Variants in TIAM1 observed in about 807,000 individuals in gnomAD.
The protein encoded by TIAM1 is TIAM Rac1 associated GEF 1.
In TIAM1, 65 loss-of-function variants were observed where a neutral mutation model predicts 163.5. That is an observed-to-expected ratio of 0.40 (90% confidence interval 0.33 to 0.49). The LOEUF (loss-of-function observed/expected upper bound fraction) is 0.49, where lower values mean the gene tolerates loss of function less well. Ranked by LOEUF, TIAM1 falls within the 20% of genes least tolerant of loss-of-function variation. The pLI, the probability that TIAM1 is intolerant of heterozygous loss-of-function variation, is 0.77. For missense variants in TIAM1, 1,789 were observed against 2,044.7 expected (o/e 0.87, Z 2.41); for synonymous variants, 833 against 810.1 (o/e 1.03, Z -0.48).
intron 2 of TIAM1, among the ~76,000 whole-genome samples, chr21:31,421,677 C>T (rs1382455342): frequency 6.6e-6 from 1 of 152,170 alleles, no homozygotes; most frequent in African/African-American, 2.4e-5. Flanking sequence ...GCTTGGGGAA[C>T]ACTGCCCCAG....
At chr21:31,217,027 T>C (rs1450272333) in intron 9 of TIAM1, among the ~76,000 whole-genome samples, 1 of 152,062 alleles carries the variant, frequency 6.6e-6, no homozygotes, top group East Asian at 1.9e-4. Context: ...GCTAATATGG[T>C]GAAACCCCAT....
chr21:31,364,315 A>C (rs2076462195), intron 2 of TIAM1, among the ~76,000 whole-genome samples: 2 of 152,224 alleles, frequency 1.3e-5, no homozygotes, highest in African/African-American at 4.8e-5. Flanking sequence ...ACTTAAAAAT[A>C]AAATTGCTTG....
At chr21:31,406,873 A>G in intron 2 of TIAM1, among the ~76,000 whole-genome samples, 1 of 152,200 alleles carries the variant, frequency 6.6e-6, no homozygotes, top group Non-Finnish European at 1.5e-5. Context: ...GTGCCATTAG[A>G]TGAGTTTTTT....
At chr21:31,182,301 A>G (rs2085068078) in intron 15 of TIAM1, 120 bp downstream of exon 15, 1 of 828,494 alleles carries the variant, frequency 1.2e-6, no homozygotes, top group Non-Finnish European at 1.8e-6. Flanking sequence ...TCTTGCACAC[A>G]CATTTTATAC....
At chr21:31,461,220 A>G (rs1247336014) in intron 2 of TIAM1, among the ~76,000 whole-genome samples, 2 of 152,190 alleles carry the variant, frequency 1.3e-5, no homozygotes, top group African/African-American at 4.8e-5. Flanking sequence ...GCAGTGGCTC[A>G]TACCTGTAAT....
chr21:31,307,256 G>A (rs1281157873), intron 2 of TIAM1, among the ~76,000 whole-genome samples: 1 of 152,150 alleles, frequency 6.6e-6, no homozygotes, highest in Non-Finnish European at 1.5e-5. Context: ...ATGGGTTAAT[G>A]TGCTCTTCTT....
At chr21:31,442,070 A>AATAAATATATATATATATATAT (rs370046459) in intron 2 of TIAM1, among the ~76,000 whole-genome samples, 7 of 53,226 alleles carry the variant, frequency 1.3e-4, no homozygotes, top group African/African-American at 4.0e-4. Context: ...CAAATAAATA[A>AATAAATATATATATATATATAT]ATATATATAT....
intron 2 of TIAM1, among the ~76,000 whole-genome samples, chr21:31,289,868 G>A (rs2073948253): frequency 6.6e-6 from 1 of 152,100 alleles, no homozygotes; most frequent in Non-Finnish European, 1.5e-5. Flanking sequence ...GGCTTTAAAA[G>A]CCTGACATTC....
rs2086684595 is a variant in TIAM1, at chr21:31,210,570, GAAAGAAAGAAAGAAA to G, written c.2218-370_2218-356del. On this transcript the variant is annotated intron_variant, in intron 10 of 27. Coordinates refer to ENST00000541036, the MANE Select transcript of TIAM1 (RefSeq NM_001353694.2). ...AGAAAGAAAGAAAGAAAGAAAGAAA[GAAAGAAAGAAAGAAA>G]GAAAGAAAGAGAGAAAGAAGGAAGG... 2.6e-5 allele frequency among the ~76,000 whole-genome samples: 3 copies of G among 115,936 alleles called. No individual in the cohort carries two copies. The Admixed American group carries it at 3.0e-4, about 12-fold the overall frequency. The allele number at this position is 115,936 out of a possible 152,430, so 76.1% of individuals were successfully genotyped here.
At chr21:31,331,454 G>A (rs1349136307) in intron 2 of TIAM1, among the ~76,000 whole-genome samples, 1 of 152,148 alleles carries the variant, frequency 6.6e-6, no homozygotes, top group Non-Finnish European at 1.5e-5. Flanking sequence ...GAACCCAAAC[G>A]TGTCTTAAAT....
chr21:31,268,508 A>G (rs1341869156), intron 3 of TIAM1, among the ~76,000 whole-genome samples: 5 of 152,374 alleles, frequency 3.3e-5, no homozygotes, highest in African/African-American at 9.6e-5. Context: ...GAAACCCTCC[A>G]TTGAATGTTC....
In TIAM1 at chr21:31,130,912, C is replaced by A. The variant is rs146506914; in HGVS notation, c.3920G>T (p.Gly1307Val). The A allele has an allele frequency of 1.9e-6, 3 of 1,614,004 alleles. No individual in the cohort carries two copies. Among genetic ancestry groups the A allele is most frequent in the Non-Finnish European group, 2.5e-6 (3 of 1,179,970 alleles). The part of the protein sequence containing the change: ...KTAVVLVYKD[G>V]SKQKKKLVGS... ...TACAAGTTTCTTCTTCTGTTTGGAA[C>A]CATCTTTATACACAAGGACCACAGC... Residue 1307 changes from glycine (G) to valine (V), a missense_variant, in exon 24 of 28, where the codon GGT becomes GTT. Coordinates refer to ENST00000541036, the MANE Select transcript of TIAM1 (RefSeq NM_001353694.2).
intron 26 of TIAM1, 73 bp downstream of exon 26, chr21:31,126,992 C>T: frequency 6.8e-7 from 1 of 1,460,530 alleles, no homozygotes; most frequent in South Asian, 1.1e-5. Flanking sequence ...CACCAGAACA[C>T]AACGTAAGAC....
At chr21:31,228,670 G>T (rs1242738317) in intron 6 of TIAM1, among the ~76,000 whole-genome samples, 1 of 152,170 alleles carries the variant, frequency 6.6e-6, no homozygotes, top group Admixed American at 6.5e-5. Context: ...TGTTGGGGAA[G>T]GAATCAGATG....
At chr21:31,442,094 T>C (rs1342431585) in intron 2 of TIAM1, among the ~76,000 whole-genome samples, 1 of 128,826 alleles carries the variant, frequency 7.8e-6, no homozygotes, top group Admixed American at 8.0e-5. Context: ...TATAGAACAA[T>C]AAGGGTATTG....
chr21:31,533,377 AG>A (rs1402556038), intron 1 of TIAM1, among the ~76,000 whole-genome samples: 1 of 152,224 alleles, frequency 6.6e-6, no homozygotes, highest in African/African-American at 2.4e-5. Context: ...AAAAGTTAAA[AG>A]GTTAAACAGA....
At chr21:31,516,922 C>A (rs528190194) in intron 1 of TIAM1, among the ~76,000 whole-genome samples, 1 of 150,838 alleles carries the variant, frequency 6.6e-6, no homozygotes, top group Non-Finnish European at 1.5e-5. Context: ...TGGTGGCGGG[C>A]GCCTGTAGTC....
chr21:31,351,694 A>C (rs1331500281), intron 2 of TIAM1, among the ~76,000 whole-genome samples: 1 of 152,204 alleles, frequency 6.6e-6, no homozygotes, highest in Non-Finnish European at 1.5e-5. Context: ...CATGTGCCCA[A>C]GGGGTTAAGA....
intron 1 of TIAM1, among the ~76,000 whole-genome samples, chr21:31,475,837 G>A (rs905481078): frequency 3.3e-5 from 5 of 152,182 alleles, no homozygotes; most frequent in African/African-American, 1.2e-4. Context: ...AAAAGTTATG[G>A]GAACAACTTG....
Sources: allele counts gnomAD v4.1 joint callset (sites outside exome capture counted in the v4.1 genomes callset), GRCh38; gene constraint gnomAD v4.1.1; transcripts MANE v1.5; gene names NCBI Gene and HGNC (gene_info 2026-07-23, HGNC 2026-07-21).